The following PHF20L1 variants were observed in gnomAD, a reference collection of about 807,000 sequenced individuals.
PHF20L1 encodes the protein PHD finger protein 20 like 1.
In PHF20L1, 44 loss-of-function variants were observed where a neutral mutation model predicts 125.5. The observed-to-expected ratio is 0.35, with a 90% CI of 0.28 to 0.45. PHF20L1 has a LOEUF of 0.45. Among genes scored for constraint, PHF20L1 ranks in the 20% least tolerant of loss-of-function variants. The pLI is 1.00. For synonymous variants in PHF20L1, 380 were observed against 403.1 expected (o/e 0.94, Z 0.69); for missense variants, 1,012 against 1,217.2 (o/e 0.83, Z 2.51).
chr8:132,780,653 A>G (rs1830318026), intron 2 of PHF20L1, among the ~76,000 whole-genome samples: 1 of 152,116 alleles, frequency 6.6e-6, no homozygotes, highest in South Asian at 2.1e-4. Context: ...TTGAACTATT[A>G]TGGGCATTGG....
At chr8:132,845,489 A>G (rs1049609037) in intron 20 of PHF20L1, among the ~76,000 whole-genome samples, 14 of 152,032 alleles carry the variant, frequency 9.2e-5, no homozygotes, top group Non-Finnish European at 1.5e-4. Context: ...GTATATGTTT[A>G]TGTGTGTGTG....
chr8:132,842,474 T>A (rs1033854559), intron 18 of PHF20L1, 41 bp from the exon 19 acceptor site: 6 of 1,526,030 alleles, frequency 3.9e-6, no homozygotes, highest in Non-Finnish European at 5.2e-6. Flanking sequence ...AATAGATTTT[T>A]TTTTTTTTCT....
At chr8:132,815,638 T>C (rs778133156) in intron 10 of PHF20L1, 1 of 151,942 alleles carries the variant, frequency 6.6e-6, no homozygotes, top group Non-Finnish European at 1.5e-5. Context: ...GTTGAGTGAA[T>C]ATGACATGTT....
intron 14 of PHF20L1, among the ~76,000 whole-genome samples, chr8:132,829,027 A>T (rs754243774): frequency 5.3e-5 from 8 of 152,048 alleles, no homozygotes; most frequent in Admixed American, 3.3e-4. Flanking sequence ...AAGGGACTTT[A>T]TGTAGGAGAC....
At chr8:132,833,746 A>G (rs1449056241) in intron 15 of PHF20L1, among the ~76,000 whole-genome samples, 1 of 152,160 alleles carries the variant, frequency 6.6e-6, no homozygotes, top group Non-Finnish European at 1.5e-5. Flanking sequence ...TTGAAAGAGC[A>G]TGAAAAGAGC....
chr8:132,782,666 C>A (rs1482072540), intron 2 of PHF20L1, among the ~76,000 whole-genome samples: 1 of 152,148 alleles, frequency 6.6e-6, no homozygotes, highest in Non-Finnish European at 1.5e-5. Context: ...AAGCAGCCTG[C>A]AGCCTTTACC....
In PHF20L1 at chr8:132,794,409, G is replaced by T; in HGVS notation, c.84-1G>T. On this transcript the variant is annotated splice_acceptor_variant, in intron 2 of 20. Transcript: ENST00000395386. LOFTEE classifies it high-confidence loss of function. The stretch of plus-strand genomic sequence containing the variant: ...TTATATGAAGCATTTTGATTTTTGA[G>T]GTATCCATCACGAATTGAAAAAATT... 1 of 1,587,634 alleles carries T rather than the reference G, an allele frequency of 6.3e-7. No individual in the cohort carries two copies. Among genetic ancestry groups the T allele is most frequent in the Non-Finnish European group, 8.6e-7 (1 of 1,158,136 alleles).
chr8:132,794,837 T>G lies in PHF20L1; in HGVS notation c.340+20T>G, dbSNP rs375708240. On this transcript the variant is annotated intron_variant, in intron 4 of 20. Coordinates refer to ENST00000395386, the MANE Select transcript of PHF20L1 (RefSeq NM_016018.5). ...AAGAAGGTATGTGTTTGAAATGATC[T>G]GAGACTTAAAATTAGATTAATAGTA... The G allele has an allele frequency of 2.0e-5, 29 of 1,485,104 alleles. No homozygotes were observed. The highest frequency in any genetic ancestry group is 2.7e-5 in the Non-Finnish European group (29 of 1,068,890). The allele number at this position is 1,485,104 out of a possible 1,614,324, so 92.0% of individuals were successfully genotyped here.
intron 14 of PHF20L1, among the ~76,000 whole-genome samples, chr8:132,828,577 TTTAGA>T (rs1288956355): frequency 9.9e-5 from 15 of 152,234 alleles, no homozygotes; most frequent in African/African-American, 3.1e-4. Flanking sequence ...TGCAAAGTAA[TTTAGA>T]TTAGTTGTTT....
intron 14 of PHF20L1, among the ~76,000 whole-genome samples, chr8:132,830,606 C>T (rs1334263703): frequency 1.3e-5 from 2 of 152,028 alleles, no homozygotes; most frequent in African/African-American, 4.8e-5. Flanking sequence ...TCCTTTTCCT[C>T]ACAGAGTTGA....
chr8:132,839,143 T>C, intron 17 of PHF20L1: 1 of 454,546 alleles, frequency 2.2e-6, no homozygotes, highest in Non-Finnish European at 4.0e-6. Flanking sequence ...AGGTTCCCTT[T>C]GCAAGTGTCA....
chr8:132,812,751 T>C, intron 9 of PHF20L1: 1 of 984,156 alleles, frequency 1.0e-6, no homozygotes, highest in Non-Finnish European at 1.2e-6. Flanking sequence ...TCTCAATTGG[T>C]ATCAGCAATA....
At chr8:132,837,993 A>T in intron 17 of PHF20L1, 182 bp downstream of exon 17, 1 of 548,034 alleles carries the variant, frequency 1.8e-6, no homozygotes, top group Non-Finnish European at 3.3e-6. Context: ...CTTAACTTGT[A>T]TGTATCAATT....
At chr8:132,798,029 G>T (rs1318804405) in intron 4 of PHF20L1, among the ~76,000 whole-genome samples, 7 of 151,960 alleles carry the variant, frequency 4.6e-5, no homozygotes, top group Non-Finnish European at 8.8e-5. Context: ...AAAGCATGGG[G>T]TCTGTAACAA....
intron 8 of PHF20L1, chr8:132,807,204 A>G (rs1234126856): frequency 4.5e-5 from 7 of 157,202 alleles, no homozygotes; most frequent in Admixed American, 3.1e-4. Flanking sequence ...ACTGTGCAAT[A>G]TATATATACA....
chr8:132,793,132 G>A (rs1478599293), intron 2 of PHF20L1, among the ~76,000 whole-genome samples: 1 of 151,958 alleles, frequency 6.6e-6, no homozygotes, highest in African/African-American at 2.4e-5. Context: ...CTTCACACAA[G>A]CAGTTCTGTG....
At chr8:132,845,031 GAGA>G (rs1030043355) in intron 20 of PHF20L1, among the ~76,000 whole-genome samples, 7 of 151,834 alleles carry the variant, frequency 4.6e-5, no homozygotes, top group African/African-American at 1.5e-4. Context: ...TCCCCCTTGA[GAGA>G]AGAAGAGAGA....
chr8:132,832,222 T>A lies in PHF20L1; in HGVS notation c.1745-13T>A, dbSNP rs550999194. Reference sequence around the variant, plus strand: ...CACTTTATTAATATTTCTTTCTGTATCTTATGTTGCAGACTATTCAGACTA... The same window carrying A: ...CACTTTATTAATATTTCTTTCTGTAACTTATGTTGCAGACTATTCAGACTA... On this transcript the variant is annotated splice_polypyrimidine_tract_variant and intron_variant, in intron 14 of 20. Transcript: ENST00000395386. 1 of 1,520,156 alleles carries A rather than the reference T, an allele frequency of 6.6e-7. No homozygotes were observed. Among genetic ancestry groups the A allele is most frequent in the South Asian group, 1.1e-5 (1 of 88,508 alleles). 94.2% of individuals were successfully genotyped at this position (1,520,156 alleles called of 1,614,324 possible). A position where few individuals can be genotyped will look rare whatever the true frequency, so the allele number is the denominator to read the frequency against.
At chr8:132,843,503 TGGA>T (rs1838139157) in intron 19 of PHF20L1, 3 of 984,320 alleles carry the variant, frequency 3.0e-6, no homozygotes, top group Non-Finnish European at 3.6e-6. Context: ...TTAAGTGAAT[TGGA>T]ACGTTTGTAT....
Sources: gnomAD v4.1 joint callset for allele counts (sites outside exome capture counted in the v4.1 genomes callset) on GRCh38, gnomAD v4.1.1 for gene constraint, MANE v1.5 for transcripts, NCBI Gene and HGNC (gene_info 2026-07-23, HGNC 2026-07-21) for gene names.